Variants in EYS observed in about 807,000 individuals in gnomAD.
EYS encodes the protein protein eyes shut homolog.
EYS carries 250 observed loss-of-function variants against 282.1 expected under a neutral mutation model. The observed-to-expected ratio is 0.89, with a 90% CI of 0.80 to 0.98. The LOEUF (loss-of-function observed/expected upper bound fraction) is 0.98. Among genes scored for constraint, EYS ranks in the 50% least tolerant of loss-of-function variants. The pLI is 0.00. For synonymous variants in EYS, 1,355 were observed against 1,282.9 expected (o/e 1.06, Z -1.20); for missense variants, 4,016 against 3,709.0 (o/e 1.08, Z -2.15).
intron 12 of EYS, among the ~76,000 whole-genome samples, chr6:65,064,422 T>C (rs1190653293): frequency 6.9e-6 from 1 of 145,942 alleles, no homozygotes; most frequent in East Asian, 2.0e-4. Context: ...CTATATACCA[T>C]ATACCATATA....
intron 30 of EYS, among the ~76,000 whole-genome samples, chr6:64,300,301 A>T (rs1452965660): frequency 1.3e-5 from 2 of 152,174 alleles, no homozygotes; most frequent in Non-Finnish European, 2.9e-5. Context: ...AGCAACACAG[A>T]CAAAAAGCAG....
At chr6:65,291,398 C>G (rs1032682530) in intron 12 of EYS, among the ~76,000 whole-genome samples, 10 of 151,450 alleles carry the variant, frequency 6.6e-5, no homozygotes, top group African/African-American at 2.4e-4. Flanking sequence ...AACAACCACT[C>G]ACATGTTTTT....
At chr6:64,732,772 G>A (rs1329518331) in intron 22 of EYS, among the ~76,000 whole-genome samples, 1 of 152,162 alleles carries the variant, frequency 6.6e-6, no homozygotes, top group Non-Finnish European at 1.5e-5. Flanking sequence ...GTCTTGCCAA[G>A]AGAGGCAATC....
chr6:64,139,950 A>G (rs1207245563), intron 31 of EYS, among the ~76,000 whole-genome samples: 1 of 150,720 alleles, frequency 6.6e-6, no homozygotes, highest in Non-Finnish European at 1.5e-5. Context: ...CCTGGGTGAC[A>G]GAGCAAGATT....
At chr6:64,087,090 G>C (rs1772181030) in intron 31 of EYS, among the ~76,000 whole-genome samples, 1 of 152,112 alleles carries the variant, frequency 6.6e-6, no homozygotes, top group Non-Finnish European at 1.5e-5. Flanking sequence ...GATGGACTTG[G>C]CTTGTAAATA....
rs192518357 is a variant in EYS, at chr6:65,397,444, T to C, written c.1184+5034A>G. 4.1e-3 allele frequency among the ~76,000 whole-genome samples: 623 copies of C among 152,144 alleles called. 5 individuals carry two copies. The highest frequency in any genetic ancestry group is 0.014 in the African/African-American group (590 of 41,526). On this transcript the variant is annotated intron_variant, in intron 7 of 42. Transcript: ENST00000503581. ...ATGTCAATGTGTACCCATTGTCTAGTTTCCACTTATAAGTGAAAAGATTAG... is the reference window on the plus strand; with the variant it reads ...ATGTCAATGTGTACCCATTGTCTAGCTTCCACTTATAAGTGAAAAGATTAG...
At chr6:64,597,829 G>A (rs1318039395) in intron 24 of EYS, among the ~76,000 whole-genome samples, 7 of 152,106 alleles carry the variant, frequency 4.6e-5, no homozygotes, top group Admixed American at 1.3e-4. Flanking sequence ...AGACAGTCAC[G>A]TAACAAAATT....
chr6:65,317,002 A>C (rs1201233330), intron 11 of EYS, among the ~76,000 whole-genome samples: 2 of 152,148 alleles, frequency 1.3e-5, no homozygotes, highest in Non-Finnish European at 2.9e-5. Flanking sequence ...TTCTGTGTGG[A>C]TTTCAATTTG....
At chr6:64,900,093 T>G (rs576729557) in intron 18 of EYS, among the ~76,000 whole-genome samples, 1 of 152,290 alleles carries the variant, frequency 6.6e-6, no homozygotes, top group Admixed American at 6.5e-5. Flanking sequence ...TACAACCATC[T>G]GATCTTTGAC....
chr6:64,856,929 AG>A (rs1766082505), intron 19 of EYS, among the ~76,000 whole-genome samples: 1 of 152,206 alleles, frequency 6.6e-6, no homozygotes, highest in South Asian at 2.1e-4. Flanking sequence ...TTTTACATTT[AG>A]ATCTATAATT....
chr6:65,565,668 G>T (rs55792659), intron 2 of EYS, among the ~76,000 whole-genome samples: 26,382 of 151,940 alleles, frequency 0.17, 2,852 homozygotes, highest in Middle Eastern at 0.34. Context: ...TTGTGGCACT[G>T]TTCACAATAG....
chr6:64,474,418 CTTTA>C (rs948501636), intron 26 of EYS, among the ~76,000 whole-genome samples: 33 of 152,204 alleles, frequency 2.2e-4, no homozygotes, highest in Admixed American at 5.9e-4. Context: ...TAAACTCAAC[CTTTA>C]TTTTTCTTTG....
At chr6:64,376,772 CA>C (rs1328687949) in intron 29 of EYS, among the ~76,000 whole-genome samples, 1 of 142,192 alleles carries the variant, frequency 7.0e-6, no homozygotes, top group Non-Finnish European at 1.5e-5. Flanking sequence ...AACAAGCCTC[CA>C]ATATACATAA....
intron 12 of EYS, among the ~76,000 whole-genome samples, chr6:65,272,810 A>G (rs1217422897): frequency 6.6e-6 from 1 of 152,282 alleles, no homozygotes; most frequent in African/African-American, 2.4e-5. Context: ...AAAAAGTATA[A>G]CATATCTAAA....
chr6:64,225,284 G>A (rs1322896941), intron 31 of EYS, among the ~76,000 whole-genome samples: 2 of 152,018 alleles, frequency 1.3e-5, no homozygotes, highest in South Asian at 2.1e-4. Context: ...TCCTGTGGTA[G>A]GCAGAATAAT....
intron 22 of EYS, among the ~76,000 whole-genome samples, chr6:64,723,049 A>G (rs1450314318): frequency 6.6e-6 from 1 of 151,232 alleles, no homozygotes; most frequent in Non-Finnish European, 1.5e-5. Flanking sequence ...TAATGGCTTC[A>G]TACTGAAGGT....
rs576806679 is a variant in EYS, at chr6:64,392,483, C to T, written c.5928-3643G>A. 8.6e-5 allele frequency among the ~76,000 whole-genome samples: 13 copies of T among 151,524 alleles called. 1 individual carries two copies. In the South Asian group the frequency reaches 2.7e-3, roughly 32 times the overall value. The stretch of plus-strand genomic sequence containing the variant: ...TCAGGACTAAGAAACTCACTCAAAA[C>T]CGCTCAACTACATGGAAACTGAACA... On this transcript the variant is annotated intron_variant, in intron 28 of 42. Transcript: ENST00000503581.
intron 31 of EYS, among the ~76,000 whole-genome samples, chr6:64,099,178 T>A (rs1263717587): frequency 6.6e-6 from 1 of 152,176 alleles, no homozygotes; most frequent in Admixed American, 6.5e-5. Context: ...TCATAGTAAT[T>A]CATATTTTAT....
intron 31 of EYS, among the ~76,000 whole-genome samples, chr6:64,101,145 T>G (rs1019251766): frequency 2.0e-5 from 3 of 152,190 alleles, no homozygotes; most frequent in Non-Finnish European, 2.9e-5. Context: ...GAAATGACAT[T>G]CTGAACTCAA....
Sources: allele counts gnomAD v4.1 joint callset (sites outside exome capture counted in the v4.1 genomes callset), GRCh38; gene constraint gnomAD v4.1.1; transcripts MANE v1.5; gene names NCBI Gene and HGNC (gene_info 2026-07-23, HGNC 2026-07-21).